Variants in PTPN1 observed in about 807,000 individuals in gnomAD.
PTPN1 encodes the protein tyrosine-protein phosphatase non-receptor type 1.
Under a neutral mutation model 59.9 loss-of-function variants are expected in PTPN1, and 12 were observed. The ratio of observed to expected loss-of-function variants is 0.20; its 90% CI spans 0.13 to 0.32. PTPN1 has a LOEUF of 0.32. Among genes scored for constraint, PTPN1 ranks in the 10% least tolerant of loss-of-function variants. PTPN1 has a pLI of 1.00. For synonymous variants in PTPN1, 178 were observed against 203.6 expected (o/e 0.87, Z 1.07); for missense variants, 356 against 549.2 (o/e 0.65, Z 3.52).
intron 6 of PTPN1, 137 bp downstream of exon 6, chr20:50,578,766 T>C (rs1041852984): frequency 8.1e-6 from 6 of 740,198 alleles, no homozygotes; most frequent in South Asian, 3.8e-5. Flanking sequence ...GCGTTACTAA[T>C]AAAGGCGTAC....
At chr20:50,527,225 C>A (rs1198701125) in intron 1 of PTPN1, among the ~76,000 whole-genome samples, 2 of 152,224 alleles carry the variant, frequency 1.3e-5, no homozygotes, top group East Asian at 3.8e-4. Flanking sequence ...GCTTTATACT[C>A]TCCTTCTCTG....
intron 1 of PTPN1, among the ~76,000 whole-genome samples, chr20:50,514,806 A>G (rs2122716518): frequency 6.6e-6 from 1 of 152,308 alleles, no homozygotes; most frequent in South Asian, 2.1e-4. Context: ...GGAAAATTGG[A>G]ATTCTAGCTG....
chr20:50,579,541 G>A (rs973351954), intron 7 of PTPN1, among the ~76,000 whole-genome samples, 162 bp from the exon 8 acceptor site: 1 of 152,242 alleles, frequency 6.6e-6, no homozygotes, highest in African/African-American at 2.4e-5. Flanking sequence ...ATAGGAAGAC[G>A]AGACTTTATT....
rs374381286 is a variant in PTPN1, at chr20:50,582,650, G to A, written c.1285-42G>A. The A allele has an allele frequency of 2.5e-6, 4 of 1,610,500 alleles. No individual in the cohort carries two copies. In the South Asian group the frequency reaches 3.3e-5, roughly 13 times the overall value. On this transcript the variant is annotated intron_variant, in intron 9 of 9. Transcript: ENST00000371621. The surrounding 1 kb of genome is among the most constrained non-coding windows in gnomAD (Gnocchi z 4.2). ...CATGCATGAGGCGACAGCTCTGCAG[G>A]TGCGGGTCTGGGCTCATCTGAACTG...
chr20:50,533,698 C>A (rs768427071), intron 1 of PTPN1, among the ~76,000 whole-genome samples: 2 of 152,074 alleles, frequency 1.3e-5, no homozygotes, highest in African/African-American at 4.8e-5. Flanking sequence ...TTGCCCCCCC[C>A]CAGAAAGGAA....
At chr20:50,565,570 T>A (rs1459476293) in intron 3 of PTPN1, among the ~76,000 whole-genome samples, 1 of 152,246 alleles carries the variant, frequency 6.6e-6, no homozygotes, top group Non-Finnish European at 1.5e-5. Flanking sequence ...AAATTTCTGT[T>A]GGCTTTTGGC....
At chr20:50,518,778 G>A (rs1193974143) in intron 1 of PTPN1, among the ~76,000 whole-genome samples, 4 of 152,134 alleles carry the variant, frequency 2.6e-5, no homozygotes, top group Non-Finnish European at 5.9e-5. Context: ...ATCATGCTCC[G>A]AGGTGGGGTG....
rs147094535 is a variant in PTPN1, at chr20:50,581,734, C to T, written c.1284+274C>T. On this transcript the variant is annotated intron_variant, in intron 9 of 9. Coordinates refer to ENST00000371621, the MANE Select transcript of PTPN1 (RefSeq NM_002827.4). ...GAGTAAGTAGAGAAAATGCCAAATACGTCTGTTTCTCTCTCTCTTTTTTTT... is the reference window on the plus strand; with the variant it reads ...GAGTAAGTAGAGAAAATGCCAAATATGTCTGTTTCTCTCTCTCTTTTTTTT... Among the ~76,000 whole-genome samples the T allele has an allele frequency of 8.7e-3, 1,323 of 151,540 alleles. 8 individuals are homozygous for T. Among genetic ancestry groups the T allele is most frequent in the Non-Finnish European group, 0.014 (946 of 67,920 alleles).
At chr20:50,510,949 A>G (rs983898702) in intron 1 of PTPN1, among the ~76,000 whole-genome samples, 1 of 150,838 alleles carries the variant, frequency 6.6e-6, no homozygotes, top group South Asian at 2.1e-4. Flanking sequence ...CACCCCCACT[A>G]TTTCCTTTTC....
chr20:50,561,944 T>C (rs2082754641), intron 2 of PTPN1, among the ~76,000 whole-genome samples: 1 of 152,162 alleles, frequency 6.6e-6, no homozygotes, highest in African/African-American at 2.4e-5. Context: ...TTTTTCTCCC[T>C]CTTTCCTGCT....
At chr20:50,548,769 G>A (rs1477987123) in intron 1 of PTPN1, among the ~76,000 whole-genome samples, 1 of 152,164 alleles carries the variant, frequency 6.6e-6, no homozygotes. Context: ...CCAGGCTGTA[G>A]TGCAGTGGCA....
intron 9 of PTPN1, 65 bp downstream of exon 9, chr20:50,581,525 C>T (rs1320859802): frequency 5.3e-6 from 8 of 1,499,472 alleles, no homozygotes; most frequent in South Asian, 1.3e-5. Flanking sequence ...GCCGCTAGCC[C>T]GATGGTAGGA....
chr20:50,516,992 AGAGTTT>A (rs2082531670), intron 1 of PTPN1, among the ~76,000 whole-genome samples: 1 of 152,220 alleles, frequency 6.6e-6, no homozygotes, highest in South Asian at 2.1e-4. Flanking sequence ...AATGGTCTTT[AGAGTTT>A]AATAGCTGCT....
intron 3 of PTPN1, among the ~76,000 whole-genome samples, chr20:50,566,076 G>A (rs539149598): frequency 1.9e-4 from 29 of 152,106 alleles, no homozygotes; most frequent in Non-Finnish European, 3.5e-4. Flanking sequence ...AGTCCTATGG[G>A]GCCATTGAGT....
intron 1 of PTPN1, among the ~76,000 whole-genome samples, chr20:50,539,016 C>G (rs2082636389): frequency 7.5e-6 from 1 of 133,322 alleles, no homozygotes; most frequent in East Asian, 2.3e-4. Flanking sequence ...ACTCTAAGTT[C>G]TTCTCAATTC....
At chr20:50,526,406 T>C (rs1228799665) in intron 1 of PTPN1, among the ~76,000 whole-genome samples, 1 of 152,026 alleles carries the variant, frequency 6.6e-6, no homozygotes, top group Non-Finnish European at 1.5e-5. Flanking sequence ...TGGGCCTGTT[T>C]GCAGCATTCC....
At chr20:50,579,421 C>A in intron 7 of PTPN1, 92 bp downstream of exon 7, 1 of 1,394,414 alleles carries the variant, frequency 7.2e-7, no homozygotes, top group African/African-American at 1.4e-5. Context: ...CAAACACCGT[C>A]TGGTGTCAGG....
At chr20:50,538,317 A>G (rs980254469) in intron 1 of PTPN1, among the ~76,000 whole-genome samples, 1 of 152,094 alleles carries the variant, frequency 6.6e-6, no homozygotes, top group African/African-American at 2.4e-5. Flanking sequence ...GCTGGTTGTC[A>G]GGTTGCATGG....
intron 5 of PTPN1, 94 bp from the exon 6 acceptor site, chr20:50,578,326 T>A: frequency 1.0e-6 from 1 of 991,276 alleles, no homozygotes; most frequent in South Asian, 1.5e-5. Flanking sequence ...CTCTTAGAGG[T>A]AGAGAGTGGA....
Sources: gnomAD v4.1 joint callset for allele counts (sites outside exome capture counted in the v4.1 genomes callset) on GRCh38, gnomAD v4.1.1 for gene constraint, Gnocchi (gnomAD v3.1) non-coding constraint, MANE v1.5 for transcripts, NCBI Gene and HGNC (gene_info 2026-07-23, HGNC 2026-07-21) for gene names.